C4orf51: variants seen among roughly 807,000 people sequenced by gnomAD.
C4orf51 encodes the protein uncharacterized protein C4orf51.
A neutral mutation model predicts 25.2 loss-of-function variants in C4orf51; 25 were observed. That is an observed-to-expected ratio of 0.99 (90% CI 0.72 to 1.39). The LOEUF is 1.39. Ranked by LOEUF, C4orf51 falls within the 40% of genes most tolerant of loss-of-function variation. The pLI, the probability that C4orf51 is intolerant of heterozygous loss-of-function variation, is 0.00. For synonymous variants in C4orf51, 100 were observed against 84.5 expected, an observed-to-expected ratio of 1.18 and a Z score of -1.01; for missense variants, 252 against 239.6, an observed-to-expected ratio of 1.05 and a Z score of -0.34.
At chr4:145,712,653 A>C (rs1247596703) in intron 2 of C4orf51, among the ~76,000 whole-genome samples, 4 of 152,222 alleles carry the variant, frequency 2.6e-5, no homozygotes, top group African/African-American at 9.6e-5. Context: ...ATAAAAGTGC[A>C]AGGTGAAGCA....
chr4:145,773,055 G>A (rs1736528237), downstream of C4orf51, among the ~76,000 whole-genome samples: 1 of 152,116 alleles, frequency 6.6e-6, no homozygotes, highest in Non-Finnish European at 1.5e-5. Flanking sequence ...GTTTTCAACT[G>A]GGTTCAGGTA....
intron 1 of C4orf51, among the ~76,000 whole-genome samples, chr4:145,738,039 G>A (rs1732894122): frequency 6.6e-6 from 1 of 151,984 alleles, no homozygotes; most frequent in South Asian, 2.1e-4. Flanking sequence ...GGGTTATAGA[G>A]AGAGCAAGAG....
intron 2 of C4orf51, among the ~76,000 whole-genome samples, chr4:145,709,481 A>G (rs768472072): frequency 7.7e-4 from 118 of 152,366 alleles, no homozygotes; most frequent in Admixed American, 2.5e-3. Flanking sequence ...GGATACCTGC[A>G]AGGAAGCCCA....
At chr4:145,733,162 G>A (rs1209658940), downstream of C4orf51, among the ~76,000 whole-genome samples, 1 of 121,514 alleles carries the variant, frequency 8.2e-6, no homozygotes, top group East Asian at 2.7e-4. Context: ...CCCACCCGCC[G>A]CCTGCCCCTC....
intron 2 of C4orf51, among the ~76,000 whole-genome samples, chr4:145,698,900 C>A (rs150255612): frequency 0.037 from 5,632 of 152,262 alleles, 298 homozygotes; most frequent in African/African-American, 0.12. Flanking sequence ...CCTGAAGTAA[C>A]TGAAGAATCA....
chr4:145,746,512 T>C (rs1447451233), intron 1 of C4orf51, among the ~76,000 whole-genome samples: 1 of 152,140 alleles, frequency 6.6e-6, no homozygotes, highest in African/African-American at 2.4e-5. Context: ...TTTGTCAAAA[T>C]GAGCTCACTG....
rs1734572126 is a variant in C4orf51, at chr4:145,761,908, G to C, written n.167-9080G>C. On this transcript the variant is annotated intron_variant and non_coding_transcript_variant, in intron 1 of 1. Transcript: ENST00000510096. The surrounding 1 kb of genome is among the most constrained non-coding windows in gnomAD (Gnocchi z 6.8). ...AGAAAGTGCCAGGAATCAATTTGCT[G>C]GTGCTCCCCTCCAGCCCCCGCCCGG... Among the ~76,000 whole-genome samples the C allele has an allele frequency of 6.6e-6, 1 of 152,172 alleles. No individual in the cohort carries two copies.
intron 1 of C4orf51, among the ~76,000 whole-genome samples, chr4:145,680,828 C>T (rs1443723094): frequency 1.3e-5 from 2 of 152,126 alleles, no homozygotes; most frequent in African/African-American, 4.8e-5. Flanking sequence ...AAATCCTTCC[C>T]TACTCCCTAC....
rs113559199 is a variant in C4orf51 at position 145,685,555 on chromosome 4, G to C, written c.233+5119G>C. ...TGAGCAAGCAGCGGGTAACGTGACT[G>C]GGGGCTGCATGCACTGGTAATTAGA... On this transcript the variant is annotated intron_variant, in intron 1 of 5. Coordinates refer to ENST00000438731, the MANE Select transcript of C4orf51 (RefSeq NM_001080531.3). Among the ~76,000 whole-genome samples the C allele has an allele frequency of 2.6e-5, 4 of 152,114 alleles. No homozygotes were observed. In the South Asian group the frequency reaches 8.3e-4, roughly 32 times the overall value.
At position 145,760,690 on chromosome 4, in the gene C4orf51, C is replaced by T. The variant is rs530837598; in HGVS notation, n.167-10298C>T. On this transcript the variant is annotated intron_variant and non_coding_transcript_variant, in intron 1 of 1. Transcript: ENST00000510096. ...GGTCTGTAGGTTTTGCAGCAACATA[C>T]ACCTGCTGGGGTTGTGTTTAAGTTT... is the stretch of plus-strand genomic sequence containing the variant. The T allele has an allele frequency of 3.5e-5, 34 of 968,032 alleles. No individual in the cohort carries two copies. The African/African-American group carries it at 5.8e-4, about 17-fold the overall frequency. The allele number at this position is 968,032 out of a possible 1,614,324, so 60.0% of individuals were successfully genotyped here.
Position 145,762,169 on chromosome 4 carries a change from G to GTGTGTGTCTCTC in C4orf51, n.167-8812_167-8801dup, listed in dbSNP as rs1734619755. On this transcript the variant is annotated intron_variant and non_coding_transcript_variant, in intron 1 of 1. Transcript: ENST00000510096. The surrounding 1 kb of genome is among the most constrained non-coding windows in gnomAD (Gnocchi z 4.9). ...AGGGTTTGTTAGGATGAGAAGGCCT[G>GTGTGTGTCTCTC]TGTGTGTCTCTCTGTGTGAGTGTGT... 6.6e-6 allele frequency among the ~76,000 whole-genome samples: 1 copy of GTGTGTGTCTCTC among 152,100 alleles called. No individual in the cohort carries two copies. The highest frequency in any genetic ancestry group is 2.4e-5 in the African/African-American group (1 of 41,386).
At chr4:145,767,730 T>C (rs1352713717) in intron 1 of C4orf51, among the ~76,000 whole-genome samples, 1 of 152,210 alleles carries the variant, frequency 6.6e-6, no homozygotes, top group Non-Finnish European at 1.5e-5. Flanking sequence ...TACTGAAAGA[T>C]ACACTGTCAA....
intron 1 of C4orf51, among the ~76,000 whole-genome samples, chr4:145,685,137 A>T (rs1156838828): frequency 6.6e-6 from 1 of 152,170 alleles, no homozygotes. Flanking sequence ...CAACCACAGA[A>T]TATACATTCT....
rs571459674 is a variant in C4orf51 at position 145,685,660 on chromosome 4, G to A, written c.233+5224G>A. Among the ~76,000 whole-genome samples the A allele has an allele frequency of 7.2e-5, 11 of 152,306 alleles. No individual in the cohort carries two copies. The South Asian group carries it at 2.3e-3, about 32-fold the overall frequency. On this transcript the variant is annotated intron_variant, in intron 1 of 5. Coordinates refer to ENST00000438731, the MANE Select transcript of C4orf51 (RefSeq NM_001080531.3). ...ATCTATAGTTAACATAACCGATTAG[G>A]TCAGTGGTCGATCTTTAACTACCAG...
At chr4:145,716,080 AC>A (rs778805512) in intron 2 of C4orf51, among the ~76,000 whole-genome samples, 10 of 152,002 alleles carry the variant, frequency 6.6e-5, no homozygotes, top group African/African-American at 1.4e-4. Context: ...GTTATAGATA[AC>A]CCCCCCAAAT....
downstream of C4orf51, among the ~76,000 whole-genome samples, chr4:145,773,265 C>T (rs1736557613): frequency 6.6e-6 from 1 of 152,218 alleles, no homozygotes; most frequent in Admixed American, 6.5e-5. Flanking sequence ...AGTCAGACAA[C>T]TGACTGTAAA....
chr4:145,786,374 C>T, the C4orf51 span, among the ~76,000 whole-genome samples: 1 of 152,176 alleles, frequency 6.6e-6, no homozygotes, highest in Admixed American at 6.5e-5. Flanking sequence ...CAGCTGTAAG[C>T]AAAAGATTGG....
the C4orf51 span, among the ~76,000 whole-genome samples, chr4:145,780,192 AAAACAAACAAACAAAC>A: frequency 1.3e-5 from 2 of 151,254 alleles, no homozygotes; most frequent in South Asian, 2.1e-4. Context: ...CGCTGTCTCA[AAAACAAACAAACAAAC>A]AAACAAACAA....
chr4:145,737,112 A>G (rs1209137283), downstream of C4orf51, among the ~76,000 whole-genome samples: 1 of 152,072 alleles, frequency 6.6e-6, no homozygotes, highest in East Asian at 1.9e-4. Context: ...AAAAAAAAAA[A>G]GTCTGCTAAA....
Sources: allele counts gnomAD v4.1 joint callset (sites outside exome capture counted in the v4.1 genomes callset), GRCh38; gene constraint gnomAD v4.1.1; non-coding constraint Gnocchi (gnomAD v3.1); transcripts MANE v1.5; gene names NCBI Gene and HGNC (gene_info 2026-07-23, HGNC 2026-07-21).